Variants in CATSPERE observed in about 807,000 individuals in gnomAD.
CATSPERE encodes the protein cation channel sperm-associated auxiliary subunit epsilon.
CATSPERE carries 93 observed loss-of-function variants against 114.1 expected under a neutral mutation model. The ratio of observed to expected loss-of-function variants is 0.81; its 90% confidence interval spans 0.69 to 0.97. The LOEUF (loss-of-function observed/expected upper bound fraction) is 0.97. Among genes scored for constraint, CATSPERE ranks in the 50% least tolerant of loss-of-function variants. The probability of loss-of-function intolerance (pLI) is 0.00; values close to 1 mark genes in which losing one functional copy is unlikely to be tolerated. For synonymous variants in CATSPERE, 341 were observed against 384.1 expected (o/e 0.89, Z 1.31); for missense variants, 1,058 against 1,131.6 (o/e 0.93, Z 0.93).
At chr1:244,490,701 A>G (rs1173893240) in intron 6 of CATSPERE, among the ~76,000 whole-genome samples, 1 of 152,182 alleles carries the variant, frequency 6.6e-6, no homozygotes, top group South Asian at 2.1e-4. Context: ...CTACCGAGAT[A>G]ATATTCACCA....
At chr1:244,624,139 T>TG (rs1376288712) in intron 20 of CATSPERE, among the ~76,000 whole-genome samples, 34 of 147,982 alleles carry the variant, frequency 2.3e-4, no homozygotes, top group African/African-American at 8.4e-4. Flanking sequence ...TTTTTTTTTT[T>TG]TTTTTGTATT....
Position 244,495,692 on chromosome 1 carries a change from G to A in CATSPERE, c.352-3310G>A, listed in dbSNP as rs542480546. 8.1e-4 allele frequency among the ~76,000 whole-genome samples: 123 copies of A among 152,174 alleles called. 1 individual carries two copies. The highest frequency in any genetic ancestry group is 2.8e-3 in the African/African-American group (118 of 41,534). On this transcript the variant is annotated intron_variant, in intron 6 of 21. Coordinates refer to ENST00000366534, the MANE Select transcript of CATSPERE (RefSeq NM_001130957.2). ...GCCGAGATTGCGCCACTGCATTCCC[G>A]CCTGGCGACAGAGCGAGACTCCATC...
Position 244,561,092 on chromosome 1 carries a change from A to C in CATSPERE, c.1454A>C (p.His485Pro). The change falls in exon 10 of 22, where the codon CAT (histidine) becomes CCT (proline). Residue 485 changes from histidine (H) to proline (P), a missense_variant. His to Pro is a moderately conservative substitution (Grantham distance 77, BLOSUM62 -2). Transcript: ENST00000366534. ...FTGILQTPAGHGNLSMLSNDS... is the reference protein window; with the variant it reads ...FTGILQTPAGPGNLSMLSNDS... ...GGGATTTTACAGACACCTGCAGGACATGGAAATCTATCAATGCTATCAAAT... is the reference window on the plus strand; with the variant it reads ...GGGATTTTACAGACACCTGCAGGACCTGGAAATCTATCAATGCTATCAAAT... 1 of 1,611,070 alleles carries C rather than the reference A, an allele frequency of 6.2e-7. No individual in the cohort carries two copies. The highest frequency in any genetic ancestry group is 2.2e-5 in the East Asian group (1 of 44,850).
intron 11 of CATSPERE, among the ~76,000 whole-genome samples, chr1:244,578,309 C>T (rs772970273): frequency 6.6e-6 from 1 of 152,110 alleles, no homozygotes; most frequent in Non-Finnish European, 1.5e-5. Context: ...TGCACCACCA[C>T]GCCCAGCTAA....
At chr1:244,459,145 C>T (rs1161303779), upstream of CATSPERE, among the ~76,000 whole-genome samples, 20 of 148,092 alleles carry the variant, frequency 1.4e-4, no homozygotes, top group Non-Finnish European at 5.9e-5. Context: ...GTGGCTCAGT[C>T]TCGGCTCACT....
intron 7 of CATSPERE, among the ~76,000 whole-genome samples, chr1:244,511,301 T>G (rs57808856): frequency 0.16 from 24,318 of 152,146 alleles, 2,069 homozygotes; most frequent in African/African-American, 0.2. Context: ...TGACTCCATT[T>G]GTGTGGAATA....
At chr1:244,610,489 T>G (rs1282725659) in intron 19 of CATSPERE, 163 bp downstream of exon 19, 1 of 699,346 alleles carries the variant, frequency 1.4e-6, no homozygotes, top group Non-Finnish European at 2.6e-6. Context: ...AAATGCTTCA[T>G]CTTAATTTCT....
intron 9 of CATSPERE, among the ~76,000 whole-genome samples, chr1:244,554,380 C>T (rs1661258348): frequency 1.3e-5 from 2 of 151,980 alleles, no homozygotes; most frequent in Non-Finnish European, 2.9e-5. Flanking sequence ...TTAATAATTG[C>T]CAGGCTGGGC....
chr1:244,522,297 G>A (rs527942016), intron 8 of CATSPERE, among the ~76,000 whole-genome samples: 1 of 152,246 alleles, frequency 6.6e-6, no homozygotes, highest in Non-Finnish European at 1.5e-5. Flanking sequence ...TGAAAACAAA[G>A]ACACAACATA....
chr1:244,582,865 A>C (rs1306509837), intron 12 of CATSPERE, among the ~76,000 whole-genome samples: 1 of 93,752 alleles, frequency 1.1e-5, no homozygotes, highest in Non-Finnish European at 2.7e-5. Context: ...ATCATCAAAT[A>C]AGTAATTTCA....
chr1:244,580,211 ATTT>A (rs747379847), intron 11 of CATSPERE, among the ~76,000 whole-genome samples: 10 of 110,822 alleles, frequency 9.0e-5, no homozygotes, highest in Admixed American at 3.7e-4. Context: ...TAATTTTTGT[ATTT>A]TTTTTTTTTT....
At chr1:244,453,875 G>A (rs1485082124), upstream of CATSPERE, among the ~76,000 whole-genome samples, 7 of 152,088 alleles carry the variant, frequency 4.6e-5, no homozygotes, top group African/African-American at 1.2e-4. Flanking sequence ...GTGTCTGTTC[G>A]GCTCCTGGGG....
chr1:244,593,572 T>G lies in CATSPERE; in HGVS notation c.2297T>G (p.Val766Gly). The change falls in exon 17 of 22, where the codon GTT (valine) becomes GGT (glycine). Residue 766 changes from valine to glycine, a missense_variant. Physicochemically the swap from Val to Gly is moderately radical, Grantham distance 109. Around this residue, in one of 2 missense-constraint regions of CATSPERE, gnomAD observed 787 missense variants for 905.6 expected, o/e 0.87. Coordinates refer to ENST00000366534, the MANE Select transcript of CATSPERE (RefSeq NM_001130957.2). ...LDFTEKFQPV[V>G]QLFDDNGYVK... ...TTCACAGAAAAGTTTCAACCTGTGGTTCAACTGTAAGTATATTCTCATCAA... is the reference window on the plus strand; with the variant it reads ...TTCACAGAAAAGTTTCAACCTGTGGGTCAACTGTAAGTATATTCTCATCAA... 1 of 1,612,710 alleles carries G rather than the reference T, an allele frequency of 6.2e-7. No individual in the cohort carries two copies. The highest frequency in any genetic ancestry group is 8.5e-7 in the Non-Finnish European group (1 of 1,178,810).
intron 20 of CATSPERE, among the ~76,000 whole-genome samples, chr1:244,629,632 C>G (rs995490324): frequency 6.7e-6 from 1 of 149,738 alleles, no homozygotes; most frequent in Non-Finnish European, 1.5e-5. Context: ...GCAGGCTTGG[C>G]ATTGTCTCCT....
At chr1:244,503,707 G>A (rs572828326) in intron 7 of CATSPERE, among the ~76,000 whole-genome samples, 21 of 152,182 alleles carry the variant, frequency 1.4e-4, no homozygotes, top group African/African-American at 5.1e-4. Context: ...ATCCTCCCAT[G>A]TAGCTAGAGC....
intron 2 of CATSPERE, among the ~76,000 whole-genome samples, chr1:244,471,985 A>C (rs1668544104): frequency 1.3e-5 from 2 of 151,910 alleles, no homozygotes; most frequent in South Asian, 2.1e-4. Context: ...TCTGAGACAG[A>C]CTCTAACTCT....
intron 7 of CATSPERE, among the ~76,000 whole-genome samples, chr1:244,508,433 T>C (rs1159537204): frequency 6.6e-6 from 1 of 151,650 alleles, no homozygotes; most frequent in Admixed American, 6.6e-5. Context: ...CTCGATTAGC[T>C]GGGACTATAG....
At chr1:244,561,780 A>C (rs540592650) in intron 10 of CATSPERE, among the ~76,000 whole-genome samples, 2 of 152,300 alleles carry the variant, frequency 1.3e-5, no homozygotes, top group African/African-American at 2.4e-5. Context: ...CGCTCAAACA[A>C]TTCATAAGTG....
intron 13 of CATSPERE, among the ~76,000 whole-genome samples, chr1:244,586,475 G>A (rs538453074): frequency 6.6e-6 from 1 of 152,286 alleles, no homozygotes; most frequent in African/African-American, 2.4e-5. Flanking sequence ...ATTTAATGAT[G>A]GTGGCTGGTG....
Sources: allele counts gnomAD v4.1 joint callset (sites outside exome capture counted in the v4.1 genomes callset), GRCh38; gene constraint gnomAD v4.1.1; regional missense constraint gnomAD v4.1.1; transcripts MANE v1.5; gene names NCBI Gene and HGNC (gene_info 2026-07-23, HGNC 2026-07-21).